Variants in CDH13 observed in about 807,000 individuals in gnomAD.
CDH13 encodes cadherin 13.
In CDH13, 24 loss-of-function variants were observed where a neutral mutation model predicts 63.8. That is an observed-to-expected ratio of 0.38 (90% confidence interval 0.27 to 0.53). The LOEUF (loss-of-function observed/expected upper bound fraction) is 0.53, where lower values mean the gene tolerates loss of function less well. Among genes scored for constraint, CDH13 ranks in the 20% least tolerant of loss-of-function variants. The pLI is 0.85. For missense variants in CDH13, 1,049 were observed against 903.1 expected, an observed-to-expected ratio of 1.16 and a Z score of -2.07; for synonymous variants, 503 against 355.3, an observed-to-expected ratio of 1.42 and a Z score of -4.67.
chr16:83,666,527 C>G (rs1404178999), intron 8 of CDH13, among the ~76,000 whole-genome samples: 2 of 152,194 alleles, frequency 1.3e-5, no homozygotes, highest in African/African-American at 2.4e-5. Flanking sequence ...TAGTAAATCC[C>G]AAATGCCTTC....
intron 8 of CDH13, among the ~76,000 whole-genome samples, chr16:83,616,999 C>T (rs963165160): frequency 2.0e-5 from 3 of 152,182 alleles, no homozygotes; most frequent in African/African-American, 4.8e-5. Flanking sequence ...CTTCACCACC[C>T]AACTTATAAA....
chr16:83,645,124 T>C (rs1473349497), intron 8 of CDH13, among the ~76,000 whole-genome samples: 1 of 152,138 alleles, frequency 6.6e-6, no homozygotes, highest in African/African-American at 2.4e-5. Flanking sequence ...CTATTCACAA[T>C]AGCAAGGTCA....
intron 2 of CDH13, among the ~76,000 whole-genome samples, chr16:83,019,450 A>G (rs1247646192): frequency 8.0e-5 from 12 of 149,944 alleles, no homozygotes; most frequent in Admixed American, 8.0e-4. Flanking sequence ...TCTTCTGGAT[A>G]CCTCCTGAAG....
At chr16:83,233,290 T>A (rs888835644) in intron 5 of CDH13, among the ~76,000 whole-genome samples, 29 of 152,156 alleles carry the variant, frequency 1.9e-4, no homozygotes, top group Non-Finnish European at 8.8e-5. Context: ...ACCCTTACCC[T>A]CTCACCCAGT....
intron 2 of CDH13, among the ~76,000 whole-genome samples, chr16:82,982,197 A>G (rs1910356456): frequency 6.6e-6 from 1 of 152,222 alleles, no homozygotes; most frequent in Non-Finnish European, 1.5e-5. Context: ...ATTAATTCAT[A>G]TAAACCAATT....
intron 6 of CDH13, among the ~76,000 whole-genome samples, chr16:83,353,186 T>C (rs1160834588): frequency 6.6e-6 from 1 of 152,250 alleles, no homozygotes; most frequent in Non-Finnish European, 1.5e-5. Context: ...CACATGTCCG[T>C]GTAACGAAAC....
intron 8 of CDH13, among the ~76,000 whole-genome samples, chr16:83,604,425 G>A (rs749472417): frequency 3.9e-5 from 6 of 152,178 alleles, no homozygotes; most frequent in Non-Finnish European, 7.3e-5. Context: ...CACCACCGGG[G>A]TGGGGATAGG....
intron 5 of CDH13, among the ~76,000 whole-genome samples, chr16:83,329,896 A>T (rs903741812): frequency 6.6e-6 from 1 of 152,234 alleles, no homozygotes; most frequent in African/African-American, 2.4e-5. Context: ...TATTGAATGA[A>T]TATACCACAT....
rs575395031 is a variant in CDH13 at position 82,928,877 on chromosome 16, A to G, written c.157+70404A>G. On this transcript the variant is annotated intron_variant, in intron 2 of 13. Transcript: ENST00000567109. The stretch of plus-strand genomic sequence containing the variant: ...CTTAGCCTCTTTTCTTCTTATGTCC[A>G]TTCTTCTGTGTATTGATAAAGCCTC... 1.4e-4 allele frequency among the ~76,000 whole-genome samples: 21 copies of G among 152,294 alleles called. 1 individual carries two copies. The highest frequency in any genetic ancestry group is 2.5e-4 in the Non-Finnish European group (17 of 68,004).
chr16:83,405,457 C>T (rs2092028145), intron 6 of CDH13, among the ~76,000 whole-genome samples: 1 of 152,132 alleles, frequency 6.6e-6, no homozygotes, highest in Non-Finnish European at 1.5e-5. Context: ...TGTTGTCCTG[C>T]TGGCTTTGAA....
intron 1 of CDH13, among the ~76,000 whole-genome samples, chr16:82,804,142 C>T (rs565215458): frequency 1.7e-4 from 21 of 124,546 alleles, no homozygotes; most frequent in East Asian, 1.2e-3. Context: ...GCAAGAGAAT[C>T]GCTTGAACCC....
chr16:82,692,158 A>C (rs771165555), intron 1 of CDH13, among the ~76,000 whole-genome samples: 1 of 152,248 alleles, frequency 6.6e-6, no homozygotes, highest in Non-Finnish European at 1.5e-5. Context: ...TCAAATGCTT[A>C]GGAGTGTAAG....
chr16:82,970,128 T>A (rs1214226467), intron 2 of CDH13, among the ~76,000 whole-genome samples: 1 of 152,084 alleles, frequency 6.6e-6, no homozygotes, highest in Non-Finnish European at 1.5e-5. Context: ...CCTCCCTGTT[T>A]CCTTGTGTTC....
chr16:83,401,338 C>CAA (rs550232099), intron 6 of CDH13, among the ~76,000 whole-genome samples: 1 of 115,142 alleles, frequency 8.7e-6, no homozygotes, highest in Non-Finnish European at 1.9e-5. Flanking sequence ...GACTCCATCT[C>CAA]AAAAAAAAAA....
In CDH13 at chr16:83,605,206, T is replaced by C. The variant is rs188751442; in HGVS notation, c.1101+2612T>C. On this transcript the variant is annotated intron_variant, in intron 8 of 13. Transcript: ENST00000567109. Reference sequence around the variant, plus strand: ...ATTCCCAAAAGGCAGAGCTGATACCTAAACTCATAAAGAGAGATAAGTAAT... The same window carrying C: ...ATTCCCAAAAGGCAGAGCTGATACCCAAACTCATAAAGAGAGATAAGTAAT... 2.0e-5 allele frequency among the ~76,000 whole-genome samples: 3 copies of C among 152,344 alleles called. No homozygotes were observed. In the East Asian group the frequency reaches 5.8e-4, roughly 29 times the overall value.
rs200016677 is a variant in CDH13, at chr16:82,667,321, G to A, written c.45+40184G>A. Among the ~76,000 whole-genome samples, 37 of 152,334 alleles carry A rather than the reference G, an allele frequency of 2.4e-4. No individual in the cohort carries two copies. In the East Asian group the frequency reaches 7.1e-3, roughly 29 times the overall value. On this transcript the variant is annotated intron_variant, in intron 1 of 13. Coordinates refer to ENST00000567109, the MANE Select transcript of CDH13 (RefSeq NM_001257.5). Reference sequence around the variant, plus strand: ...AGAGGGGATTGAGGCAGGTAAGGAGGGGAGGCTTGCGAAGGCGCGTACTGA... The same window carrying A: ...AGAGGGGATTGAGGCAGGTAAGGAGAGGAGGCTTGCGAAGGCGCGTACTGA...
At chr16:82,958,605 G>A (rs1906479495) in intron 2 of CDH13, among the ~76,000 whole-genome samples, 1 of 152,210 alleles carries the variant, frequency 6.6e-6, no homozygotes, top group African/African-American at 2.4e-5. Flanking sequence ...GTGGTCAAGG[G>A]ATTCACCATG....
In CDH13 at chr16:83,039,108, G is replaced by A. The variant is rs1430643646; in HGVS notation, c.366+6890G>A. ...ATGAACAAAGCAAAAGTCTCCCATG[G>A]CCCAGGTTCCCACGGAGAGTTATGA... On this transcript the variant is annotated intron_variant, in intron 3 of 13. Coordinates refer to ENST00000567109, the MANE Select transcript of CDH13 (RefSeq NM_001257.5). 4.6e-5 allele frequency among the ~76,000 whole-genome samples: 7 copies of A among 152,142 alleles called. No homozygotes were observed. In the East Asian group the frequency reaches 5.8e-4, roughly 13 times the overall value.
At position 83,344,908 on chromosome 16, in the gene CDH13, C is replaced by T. The variant is rs773529566; in HGVS notation, c.683C>T (p.Pro228Leu). ...GTCAATGGCAAAACTCTCGAGGGGC[C>T]GGTGCCTCTGGAAGTCATTGTGATT... is the stretch of plus-strand genomic sequence containing the variant. ...TDVNGKTLEG[P>L]VPLEVIVIDQ... is the part of the protein sequence containing the mutation. Residue 228 changes from proline (P) to leucine (L), a missense_variant, in exon 6 of 14, where the codon CCG becomes CTG. Coordinates refer to ENST00000567109, the MANE Select transcript of CDH13 (RefSeq NM_001257.5). The T allele has an allele frequency of 1.1e-5, 17 of 1,613,796 alleles. No homozygotes were observed. Among genetic ancestry groups the T allele is most frequent in the East Asian group, 2.2e-5 (1 of 44,892 alleles).
Sources: allele counts gnomAD v4.1 joint callset (sites outside exome capture counted in the v4.1 genomes callset), GRCh38; gene constraint gnomAD v4.1.1; transcripts MANE v1.5; gene names NCBI Gene and HGNC (gene_info 2026-07-23, HGNC 2026-07-21).